CC2D2B: variants seen among roughly 807,000 people sequenced by gnomAD.
CC2D2B encodes the protein coiled-coil and C2 domain containing 2B, also known as protein CC2D2B.
A neutral mutation model predicts 161.2 loss-of-function variants in CC2D2B; 128 were observed. The ratio of observed to expected loss-of-function variants is 0.79; its 90% confidence interval spans 0.69 to 0.92. The LOEUF (loss-of-function observed/expected upper bound fraction) is 0.92. Ranked by LOEUF, CC2D2B falls within the 40% of genes least tolerant of loss-of-function variation. The pLI, the probability that CC2D2B is intolerant of heterozygous loss-of-function variation, is 0.00. For synonymous variants in CC2D2B, 391 were observed against 449.8 expected (o/e 0.87, Z 1.65); for missense variants, 1,173 against 1,375.1 (o/e 0.85, Z 2.32).
At chr10:96,000,725 T>C (rs1385258170) in intron 24 of CC2D2B, 1 of 152,190 alleles carries the variant, frequency 6.6e-6, no homozygotes, top group Non-Finnish European at 1.5e-5. Flanking sequence ...TTGTGAGTTA[T>C]ATGTGTTAAA....
At chr10:95,977,039 C>G (rs539346847) in intron 17 of CC2D2B, among the ~76,000 whole-genome samples, 1 of 152,138 alleles carries the variant, frequency 6.6e-6, no homozygotes, top group Non-Finnish European at 1.5e-5. Context: ...CATGAGCCAC[C>G]GCACCCAGCC....
At chr10:95,953,381 T>A (rs1163525824) in intron 10 of CC2D2B, among the ~76,000 whole-genome samples, 1 of 152,080 alleles carries the variant, frequency 6.6e-6, no homozygotes, top group Non-Finnish European at 1.5e-5. Context: ...TTTAAAAAAA[T>A]TTTAAGAAAC....
intron 22 of CC2D2B, chr10:95,992,976 T>C (rs1206606984): frequency 4.5e-6 from 1 of 220,098 alleles, no homozygotes; most frequent in African/African-American, 2.3e-5. Context: ...GTAAATTCCT[T>C]TGTCTCTATT....
At chr10:96,017,005 A>T (rs2079230379) in intron 30 of CC2D2B, among the ~76,000 whole-genome samples, 1 of 152,238 alleles carries the variant, frequency 6.6e-6, no homozygotes, top group African/African-American at 2.4e-5. Context: ...GGCATGAGCC[A>T]CTGTGCCCAG....
rs1468384981 is a variant in CC2D2B, at chr10:96,032,402, C to A, written c.*394C>A. The A allele has an allele frequency of 5.0e-6, 1 of 200,490 alleles. No individual in the cohort carries two copies. The highest frequency in any genetic ancestry group is 2.3e-5 in the African/African-American group (1 of 43,250). The allele number at this position is 200,490 out of a possible 1,614,324, so 12.4% of individuals were successfully genotyped here. A position where few individuals can be genotyped will look rare whatever the true frequency, so the allele number is the denominator to read the frequency against. On this transcript the variant is annotated 3_prime_UTR_variant, in exon 35 of 35. Coordinates refer to ENST00000646931, the MANE Select transcript of CC2D2B (RefSeq NM_001349008.3). Reference sequence around the variant, plus strand: ...TTGTTGAAAATGCAGATTACTAGATCCTCCTCAAGACCCACTGAATCAGCA... The same window carrying A: ...TTGTTGAAAATGCAGATTACTAGATACTCCTCAAGACCCACTGAATCAGCA...
chr10:96,021,764 GA>G (rs1281615220), intron 32 of CC2D2B, among the ~76,000 whole-genome samples: 3 of 151,512 alleles, frequency 2.0e-5, no homozygotes, highest in Non-Finnish European at 4.4e-5. Flanking sequence ...TTTGGGGAGA[GA>G]AAAAAAAGGA....
intron 9 of CC2D2B, among the ~76,000 whole-genome samples, chr10:95,947,314 T>C (rs1417996638): frequency 6.6e-6 from 1 of 150,908 alleles, no homozygotes; most frequent in Non-Finnish European, 1.5e-5. Context: ...GGTTTTGCCA[T>C]GTTGGCCAGG....
chr10:95,965,713 T>C (rs1384823957), intron 12 of CC2D2B, among the ~76,000 whole-genome samples, 183 bp from the exon 13 acceptor site: 2 of 151,964 alleles, frequency 1.3e-5, no homozygotes, highest in Non-Finnish European at 2.9e-5. Context: ...AGAACAAGCT[T>C]ATAAAGTTTT....
chr10:95,996,909 A>C (rs1440255623), intron 24 of CC2D2B, among the ~76,000 whole-genome samples: 1 of 152,186 alleles, frequency 6.6e-6, no homozygotes, highest in Non-Finnish European at 1.5e-5. Flanking sequence ...GATTAATGTC[A>C]TTATAAAAAG....
intron 10 of CC2D2B, chr10:95,952,436 C>A (rs906434055): frequency 6.6e-6 from 1 of 152,164 alleles, no homozygotes; most frequent in Non-Finnish European, 1.5e-5. Context: ...GTTTGGACAT[C>A]CTTTAGTTCT....
chr10:96,019,216 A>T lies in CC2D2B; in HGVS notation c.3644A>T (p.Tyr1215Phe), dbSNP rs777702945. The change falls in exon 31 of 35, where the codon TAT (tyrosine) becomes TTT (phenylalanine). Residue 1215 changes from tyrosine (Y) to phenylalanine (F), a missense_variant. Tyr to Phe is a conservative substitution (Grantham distance 22). Coordinates refer to ENST00000646931, the MANE Select transcript of CC2D2B (RefSeq NM_001349008.3). ...TTTCTCATACAGGGGCATGTGGCTT[A>T]TGTAGTAACTCAAGAAACTAATGAA... Reference protein sequence around the residue: ...GTSVLEGHVAYVVTQETNEYL... With the variant: ...GTSVLEGHVAFVVTQETNEYL... The T allele has an allele frequency of 1.3e-5, 21 of 1,604,132 alleles. No individual in the cohort carries two copies. Among genetic ancestry groups the T allele is most frequent in the Non-Finnish European group, 1.8e-5 (21 of 1,176,902 alleles).
chr10:95,982,904 T>C (rs904444821), intron 18 of CC2D2B, among the ~76,000 whole-genome samples: 9 of 152,152 alleles, frequency 5.9e-5, no homozygotes, highest in Non-Finnish European at 1.0e-4. Context: ...CTCGTGTAGC[T>C]GGGATTACAG....
intron 4 of CC2D2B, 33 bp from the exon 5 acceptor site, chr10:95,924,746 T>C: frequency 7.3e-7 from 1 of 1,373,992 alleles, no homozygotes; most frequent in Non-Finnish European, 1.0e-6. Flanking sequence ...ATTATGTCTA[T>C]TTCTGTAAAG....
chr10:96,019,449 G>C (rs1039455016), intron 31 of CC2D2B, 112 bp downstream of exon 31: 4 of 1,130,098 alleles, frequency 3.5e-6, no homozygotes, highest in Non-Finnish European at 3.8e-6. Flanking sequence ...GATTCCCTAG[G>C]GCATGGGGCC....
At chr10:95,936,297 C>T (rs1249947167) in intron 6 of CC2D2B, among the ~76,000 whole-genome samples, 1 of 152,202 alleles carries the variant, frequency 6.6e-6, no homozygotes, top group Non-Finnish European at 1.5e-5. Flanking sequence ...CTACTGTCCC[C>T]ATCACAGAAA....
intron 11 of CC2D2B, among the ~76,000 whole-genome samples, chr10:95,960,962 A>G (rs575089167): frequency 1.3e-5 from 2 of 152,236 alleles, no homozygotes; most frequent in South Asian, 4.1e-4. Flanking sequence ...ATCTAAGCCA[A>G]TCCCTCACCA....
At chr10:95,993,940 G>GTA (rs1313493143) in intron 22 of CC2D2B, among the ~76,000 whole-genome samples, 56 of 26,240 alleles carry the variant, frequency 2.1e-3, no homozygotes, top group Non-Finnish European at 2.7e-3. Flanking sequence ...GTGTGTGTGT[G>GTA]TGTATGTATG....
Position 95,927,230 on chromosome 10 carries a change from A to G in CC2D2B, c.241-7A>G. The stretch of plus-strand genomic sequence containing the variant: ...TTATTTCAACACTAAATACTGGTTT[A>G]TCATAGTTGTCTCCACAGACTGAAG... On this transcript the variant is annotated splice_region_variant and splice_polypyrimidine_tract_variant and intron_variant, in intron 5 of 34. Coordinates refer to ENST00000646931, the MANE Select transcript of CC2D2B (RefSeq NM_001349008.3). 1 of 1,497,376 alleles carries G rather than the reference A, an allele frequency of 6.7e-7. No homozygotes were observed. Among genetic ancestry groups the G allele is most frequent in the Non-Finnish European group, 9.1e-7 (1 of 1,099,112 alleles). 92.8% of individuals were successfully genotyped at this position (1,497,376 alleles called of 1,614,324 possible).
At chr10:96,025,363 C>CAAAAAA (rs35860002) in intron 33 of CC2D2B, among the ~76,000 whole-genome samples, 2 of 52,496 alleles carry the variant, frequency 3.8e-5, no homozygotes, top group Non-Finnish European at 7.4e-5. Flanking sequence ...TGAGGCCTTG[C>CAAAAAA]AAAAAAAAAA....
Sources: allele counts gnomAD v4.1 joint callset (sites outside exome capture counted in the v4.1 genomes callset), GRCh38; gene constraint gnomAD v4.1.1; transcripts MANE v1.5; gene names NCBI Gene and HGNC (gene_info 2026-07-23, HGNC 2026-07-21).